The following CELF2 variants were observed in gnomAD, a reference collection of about 807,000 sequenced individuals.
CELF2 encodes CUG triplet repeat RNA-binding protein 2.
Under a neutral mutation model 62.6 loss-of-function variants are expected in CELF2, and 8 were observed. The observed-to-expected ratio is 0.13, with a 90% CI of 0.07 to 0.23. The LOEUF (loss-of-function observed/expected upper bound fraction) is 0.23, where lower values mean the gene tolerates loss of function less well. Among genes scored for constraint, CELF2 ranks in the 10% least tolerant of loss-of-function variants. The pLI is 1.00. For missense variants in CELF2, 333 were observed against 671.0 expected, an observed-to-expected ratio of 0.50 and a Z score of 5.56; for synonymous variants, 258 against 250.0, an observed-to-expected ratio of 1.03 and a Z score of -0.30.
chr10:10,954,036 G>T (rs532648330), intron 2 of CELF2, among the ~76,000 whole-genome samples: 1 of 151,776 alleles, frequency 6.6e-6, no homozygotes, highest in African/African-American at 2.4e-5. Flanking sequence ...TCCTAATAAA[G>T]CAAATGCAAA....
the CELF2 span, among the ~76,000 whole-genome samples, chr10:10,615,654 T>A: frequency 1.2e-3 from 180 of 151,912 alleles, 4 homozygotes; most frequent in African/African-American, 4.1e-3. Context: ...TGATAGTGAA[T>A]GAATTCTCAC....
chr10:10,560,777 C>T, the CELF2 span, among the ~76,000 whole-genome samples: 1 of 152,050 alleles, frequency 6.6e-6, no homozygotes, highest in African/African-American at 2.4e-5. Context: ...AACCCAAATG[C>T]CCATCAATGA....
intron 5 of CELF2, 79 bp from the exon 6 acceptor site, chr10:11,266,519 T>TGTTG: frequency 3.0e-6 from 3 of 1,015,132 alleles, no homozygotes; most frequent in Non-Finnish European, 3.1e-6. Context: ...TCGTAGACTG[T>TGTTG]GTTGGTTTAA....
intron 2 of CELF2, among the ~76,000 whole-genome samples, chr10:10,959,091 A>G (rs561350113): frequency 6.6e-6 from 1 of 152,250 alleles, no homozygotes; most frequent in South Asian, 2.1e-4. Context: ...ACTCTGTTCT[A>G]CTAAAAATAC....
At chr10:10,963,939 C>T (rs919691922) in intron 2 of CELF2, among the ~76,000 whole-genome samples, 15 of 152,044 alleles carry the variant, frequency 9.9e-5, no homozygotes, top group East Asian at 5.8e-4. Context: ...TATTCACAGC[C>T]GTCTAAAAAG....
the CELF2 span, among the ~76,000 whole-genome samples, chr10:10,555,305 A>G: frequency 2.0e-5 from 3 of 149,948 alleles, no homozygotes; most frequent in East Asian, 5.9e-4. Flanking sequence ...AACTTCATCC[A>G]TGGTAAAGTT....
chr10:11,061,596 A>G (rs375752830), intron 1 of CELF2, among the ~76,000 whole-genome samples: 50 of 152,338 alleles, frequency 3.3e-4, no homozygotes, highest in African/African-American at 1.1e-3. Flanking sequence ...GTAGCCAAAG[A>G]GGAGAAGTCA....
the CELF2 span, among the ~76,000 whole-genome samples, chr10:10,548,358 T>C: frequency 6.6e-6 from 1 of 152,214 alleles, no homozygotes. Context: ...AAATTCAACC[T>C]TATGCTCCCT....
chr10:11,322,529 G>A (rs1232713877), intron 11 of CELF2, among the ~76,000 whole-genome samples: 1 of 152,054 alleles, frequency 6.6e-6, no homozygotes, highest in Admixed American at 6.5e-5. Context: ...GAAGCACTAA[G>A]GGAGATTTTT....
intron 1 of CELF2, among the ~76,000 whole-genome samples, chr10:11,047,739 A>T (rs2063119582): frequency 6.6e-6 from 1 of 152,160 alleles, no homozygotes; most frequent in Non-Finnish European, 1.5e-5. Context: ...ACTACTGAAG[A>T]CCTCAGTGCC....
intron 1 of CELF2, among the ~76,000 whole-genome samples, chr10:10,826,355 C>T (rs1011921163): frequency 6.6e-6 from 1 of 152,144 alleles, no homozygotes; most frequent in Non-Finnish European, 1.5e-5. Context: ...CTGTCCATGA[C>T]TCATGGTCTC....
At chr10:10,598,693 T>A in the CELF2 span, among the ~76,000 whole-genome samples, 1 of 151,848 alleles carries the variant, frequency 6.6e-6, no homozygotes, top group Non-Finnish European at 1.5e-5. Context: ...ATTATGGGAT[T>A]TCACCAACAT....
chr10:10,951,248 A>G (rs547850026), intron 2 of CELF2, among the ~76,000 whole-genome samples: 1 of 152,220 alleles, frequency 6.6e-6, no homozygotes, highest in East Asian at 1.9e-4. Flanking sequence ...GGCTCAAGCC[A>G]TCCTCCCACC....
chr10:11,044,650 A>G (rs918065537), intron 1 of CELF2, among the ~76,000 whole-genome samples: 1 of 152,202 alleles, frequency 6.6e-6, no homozygotes, highest in Non-Finnish European at 1.5e-5. Context: ...AATACATTAT[A>G]ACAGTATGGA....
rs147915031 is a variant in CELF2, at chr10:11,274,773, G to A, written c.778-284G>A. On this transcript the variant is annotated intron_variant, in intron 7 of 12. Coordinates refer to ENST00000633077, the MANE Select transcript of CELF2 (RefSeq NM_001326342.2). ...ACTACAGAGAGAGATAATTAGTCAC[G>A]CTATGTTGGTTTCAATAGATCTAAC... Among the ~76,000 whole-genome samples, 4 of 152,300 alleles carry A rather than the reference G, an allele frequency of 2.6e-5. No individual in the cohort carries two copies. The East Asian group carries it at 5.8e-4, about 22-fold the overall frequency.
chr10:11,075,364 G>A lies in CELF2; in HGVS notation c.74+57201G>A, dbSNP rs1324631722. The A allele has an allele frequency of 6.6e-6, 1 of 152,140 alleles. No homozygotes were observed. Among genetic ancestry groups the A allele is most frequent in the Non-Finnish European group, 1.5e-5 (1 of 68,048 alleles). The allele number at this position is 152,140 out of a possible 1,614,324, so 9.4% of individuals were successfully genotyped here. A position where few individuals can be genotyped will look rare whatever the true frequency, so the allele number is the denominator to read the frequency against. On this transcript the variant is annotated intron_variant, in intron 1 of 12. Transcript: ENST00000633077. The surrounding 1 kb of genome is among the most constrained non-coding windows in gnomAD (Gnocchi z 5.4). ...AAACAGAAAAAAAGAAAAGGTTAAT[G>A]TGAGAACTGCCCAGTAAAAAGATTA... is the stretch of plus-strand genomic sequence containing the variant.
At chr10:10,898,027 A>T (rs2062684247) in intron 1 of CELF2, among the ~76,000 whole-genome samples, 1 of 152,186 alleles carries the variant, frequency 6.6e-6, no homozygotes, top group South Asian at 2.1e-4. Context: ...GCCACAGAGA[A>T]TATTATCTGG....
intron 9 of CELF2, among the ~76,000 whole-genome samples, chr10:11,303,884 GACTTC>G (rs1475971305): frequency 5.3e-5 from 8 of 152,120 alleles, no homozygotes. Context: ...TTCCGCACGC[GACTTC>G]ACTTCACAGG....
At chr10:11,024,342 C>T (rs990067072) in intron 1 of CELF2, among the ~76,000 whole-genome samples, 13 of 152,298 alleles carry the variant, frequency 8.5e-5, no homozygotes, top group Non-Finnish European at 5.9e-5. Context: ...CGGTTGCTCA[C>T]GCCTGTAATC....
Sources: gnomAD v4.1 joint callset for allele counts (sites outside exome capture counted in the v4.1 genomes callset) on GRCh38, gnomAD v4.1.1 for gene constraint, Gnocchi (gnomAD v3.1) non-coding constraint, MANE v1.5 for transcripts, NCBI Gene and HGNC (gene_info 2026-07-23, HGNC 2026-07-21) for gene names.